CTNNA2: variants seen among roughly 807,000 people sequenced by gnomAD.
The protein encoded by CTNNA2 is catenin alpha 2, also known as catenin alpha-2.
Under a neutral mutation model 101.0 loss-of-function variants are expected in CTNNA2, and 42 were observed. The ratio of observed to expected loss-of-function variants is 0.42; its 90% CI spans 0.32 to 0.54. The LOEUF (loss-of-function observed/expected upper bound fraction) is 0.54. Ranked by LOEUF, CTNNA2 falls within the 20% of genes least tolerant of loss-of-function variation. The pLI is 0.14. For missense variants in CTNNA2, 871 were observed against 1,223.1 expected, an observed-to-expected ratio of 0.71 and a Z score of 4.29; for synonymous variants, 450 against 456.4, an observed-to-expected ratio of 0.99 and a Z score of 0.18.
At chr2:80,104,761 C>T (rs191572917) in intron 7 of CTNNA2, among the ~76,000 whole-genome samples, 2 of 152,326 alleles carry the variant, frequency 1.3e-5, no homozygotes, top group Admixed American at 1.3e-4. Context: ...TTATTTGTCA[C>T]TAAGGAGGAC....
At chr2:80,003,920 G>A (rs1234487508) in intron 7 of CTNNA2, among the ~76,000 whole-genome samples, 1 of 152,170 alleles carries the variant, frequency 6.6e-6, no homozygotes, top group South Asian at 2.1e-4. Flanking sequence ...AACAAGGGAA[G>A]GATGAGGATG....
intron 1 of CTNNA2, among the ~76,000 whole-genome samples, chr2:79,641,617 G>A (rs979636866): frequency 6.6e-6 from 1 of 152,102 alleles, no homozygotes; most frequent in African/African-American, 2.4e-5. Context: ...TGGGACACTG[G>A]ACACCTCACA....
At chr2:80,324,865 A>C (rs1441155899) in intron 7 of CTNNA2, among the ~76,000 whole-genome samples, 1 of 151,962 alleles carries the variant, frequency 6.6e-6, no homozygotes, top group African/African-American at 2.4e-5. Flanking sequence ...CCTTTTCGTC[A>C]CTCAAGTTTC....
At chr2:80,215,695 G>T (rs922323461) in intron 7 of CTNNA2, among the ~76,000 whole-genome samples, 1 of 152,168 alleles carries the variant, frequency 6.6e-6, no homozygotes, top group South Asian at 2.1e-4. Flanking sequence ...TTGCAATTTG[G>T]CTACTCAAGG....
At chr2:80,019,162 G>A (rs1033863042) in intron 7 of CTNNA2, among the ~76,000 whole-genome samples, 3 of 152,110 alleles carry the variant, frequency 2.0e-5, no homozygotes, top group African/African-American at 7.2e-5. Flanking sequence ...TTTTACATAA[G>A]GGACTTTTTA....
At chr2:79,867,588 TAC>T (rs1307387178) in intron 4 of CTNNA2, among the ~76,000 whole-genome samples, 1 of 152,200 alleles carries the variant, frequency 6.6e-6, no homozygotes, top group Non-Finnish European at 1.5e-5. Flanking sequence ...AGTTTACCTT[TAC>T]ACGGAAAGAC....
intron 9 of CTNNA2, among the ~76,000 whole-genome samples, chr2:80,518,007 G>A (rs1285155771): frequency 6.6e-6 from 1 of 152,182 alleles, no homozygotes; most frequent in African/African-American, 2.4e-5. Context: ...GTGACGGGCA[G>A]TAAATGCAAG....
chr2:79,679,031 A>T (rs531797836), intron 2 of CTNNA2, among the ~76,000 whole-genome samples: 1 of 152,270 alleles, frequency 6.6e-6, no homozygotes, highest in Admixed American at 6.5e-5. Context: ...ATCTCTATAT[A>T]ACAATGTATA....
chr2:79,311,095 T>A (rs538960297), intron 2 of CTNNA2, among the ~76,000 whole-genome samples: 52 of 152,304 alleles, frequency 3.4e-4, no homozygotes, highest in Admixed American at 2.1e-3. Flanking sequence ...GTGCCTTAAG[T>A]ATGACTCTGT....
chr2:80,595,133 T>C (rs1193924919), intron 15 of CTNNA2, among the ~76,000 whole-genome samples: 1 of 152,164 alleles, frequency 6.6e-6, no homozygotes, highest in Non-Finnish European at 1.5e-5. Context: ...TCCACATTTA[T>C]TGAATGACTT....
At chr2:79,768,657 T>A (rs1673345071) in intron 3 of CTNNA2, among the ~76,000 whole-genome samples, 1 of 151,364 alleles carries the variant, frequency 6.6e-6, no homozygotes, top group Non-Finnish European at 1.5e-5. Flanking sequence ...AAAAGGAGGG[T>A]TTTTTCCCTT....
At chr2:79,400,271 T>C (rs1439595157) in intron 4 of CTNNA2, among the ~76,000 whole-genome samples, 1 of 151,916 alleles carries the variant, frequency 6.6e-6, no homozygotes, top group Non-Finnish European at 1.5e-5. Flanking sequence ...GGAAATTCCT[T>C]GTGAGGGAGG....
In CTNNA2 at chr2:80,302,201, G is replaced by A. The variant is rs755601698; in HGVS notation, c.1057-91010G>A. 5 of 1,572,444 alleles carry A rather than the reference G, an allele frequency of 3.2e-6. No homozygotes were observed. Among genetic ancestry groups the A allele is most frequent in the Admixed American group, 1.7e-5 (1 of 57,850 alleles). ...AGCCTGGTGCCCGCCGGCCCGTCCC[G>A]GCTGCCCAGGCGTATTTGGTAGCGC... is the stretch of plus-strand genomic sequence containing the variant. On this transcript the variant is annotated intron_variant, in intron 7 of 18. Coordinates refer to ENST00000402739, the MANE Select transcript of CTNNA2 (RefSeq NM_001282597.3). This position sits in a 1 kb window ranked among gnomAD's most constrained non-coding sequence, Gnocchi z 6.4.
At chr2:80,212,776 T>G (rs991474801) in intron 7 of CTNNA2, among the ~76,000 whole-genome samples, 6 of 152,176 alleles carry the variant, frequency 3.9e-5, no homozygotes, top group Non-Finnish European at 8.8e-5. Context: ...TTGATTGGAA[T>G]AGTTTCAGAA....
intron 7 of CTNNA2, among the ~76,000 whole-genome samples, chr2:80,107,406 G>T (rs530663412): frequency 5.7e-4 from 86 of 151,934 alleles, no homozygotes; most frequent in African/African-American, 1.9e-3. Context: ...TTGATTTCAG[G>T]GGGATGGTTG....
chr2:80,437,072 T>C (rs1011008845), intron 9 of CTNNA2, among the ~76,000 whole-genome samples: 1 of 152,204 alleles, frequency 6.6e-6, no homozygotes, highest in African/African-American at 2.4e-5. Context: ...CTTAGGCACC[T>C]TCTGTGAGGA....
At chr2:79,306,883 C>T (rs752478456) in intron 2 of CTNNA2, among the ~76,000 whole-genome samples, 10 of 152,148 alleles carry the variant, frequency 6.6e-5, no homozygotes, top group Non-Finnish European at 1.5e-4. Flanking sequence ...GATAAGACAT[C>T]TCTACATGTG....
chr2:79,869,646 A>G (rs567238347), intron 4 of CTNNA2, among the ~76,000 whole-genome samples, 170 bp from the exon 5 acceptor site: 55 of 152,296 alleles, frequency 3.6e-4, no homozygotes, highest in African/African-American at 1.1e-3. Context: ...TTGAATAACT[A>G]TTTAATCTGA....
intron 7 of CTNNA2, among the ~76,000 whole-genome samples, chr2:80,322,652 T>A (rs914337683): frequency 6.6e-6 from 1 of 151,970 alleles, no homozygotes; most frequent in Non-Finnish European, 1.5e-5. Flanking sequence ...CCGCGTGTGT[T>A]GTCAGGACGA....
Sources: gnomAD v4.1 joint callset for allele counts (sites outside exome capture counted in the v4.1 genomes callset) on GRCh38, gnomAD v4.1.1 for gene constraint, Gnocchi (gnomAD v3.1) non-coding constraint, MANE v1.5 for transcripts, NCBI Gene and HGNC (gene_info 2026-07-23, HGNC 2026-07-21) for gene names.